Variants in SLC6A16 observed in about 807,000 individuals in gnomAD.
SLC6A16 encodes solute carrier family 6 member 16.
A neutral mutation model predicts 65.4 loss-of-function variants in SLC6A16; 54 were observed. The observed-to-expected ratio is 0.83, with a 90% confidence interval of 0.66 to 1.04. The LOEUF (loss-of-function observed/expected upper bound fraction) is 1.04. Among genes scored for constraint, SLC6A16 ranks in the 50% least tolerant of loss-of-function variants. SLC6A16 has a pLI of 0.00. For missense variants in SLC6A16, 816 were observed against 914.0 expected (o/e 0.89, Z 1.38); for synonymous variants, 330 against 346.5 (o/e 0.95, Z 0.53).
chr19:49,304,249 G>A (rs143231114), intron 7 of SLC6A16, among the ~76,000 whole-genome samples: 4 of 152,190 alleles, frequency 2.6e-5, no homozygotes, highest in Non-Finnish European at 5.9e-5. Flanking sequence ...GCCATAAAGA[G>A]AGGGTTCTCA....
rs953645942 is a variant in SLC6A16 at position 49,294,274 on chromosome 19, G to A, written c.1416+93C>T. 15 of 1,259,890 alleles carry A rather than the reference G, an allele frequency of 1.2e-5. No individual in the cohort carries two copies. In the East Asian group the frequency reaches 1.3e-4, roughly 11 times the overall value. 78.0% of individuals were successfully genotyped at this position (1,259,890 alleles called of 1,614,324 possible). On this transcript the variant is annotated intron_variant, in intron 8 of 11. Transcript: ENST00000335875. Reference sequence around the variant, plus strand: ...AGCCACAGATGATTCTGGTGCTTCCGGGATTTTTGCTGGTGCTAATAAAAG... The same window carrying A: ...AGCCACAGATGATTCTGGTGCTTCCAGGATTTTTGCTGGTGCTAATAAAAG...
At chr19:49,339,084 C>A in the SLC6A16 span, 1 of 722,154 alleles carries the variant, frequency 1.4e-6, no homozygotes, top group Non-Finnish European at 2.3e-6. This position sits in a 1 kb window ranked among gnomAD's most constrained non-coding sequence, Gnocchi z 4.5. Context: ...CTGAAGGGGG[C>A]GGGGTCTGCA....
chr19:49,317,892 G>T (rs1970642265), intron 1 of SLC6A16, among the ~76,000 whole-genome samples: 1 of 151,758 alleles, frequency 6.6e-6, no homozygotes, highest in South Asian at 2.1e-4. Context: ...CTAAAAAAAG[G>T]CCAGAAAACA....
At chr19:49,307,828 G>A (rs897506172) in intron 7 of SLC6A16, among the ~76,000 whole-genome samples, 3 of 151,388 alleles carry the variant, frequency 2.0e-5, no homozygotes, top group African/African-American at 4.9e-5. Flanking sequence ...GACTAGTCCA[G>A]ACAGAATTAA....
the SLC6A16 span, chr19:49,337,214 G>A: frequency 8.1e-6 from 13 of 1,613,942 alleles, no homozygotes; most frequent in East Asian, 2.2e-5. Flanking sequence ...TCCACTCAGC[G>A]GGCCCAGGTG....
the SLC6A16 span, chr19:49,336,993 G>C: frequency 6.2e-7 from 1 of 1,613,996 alleles, no homozygotes; most frequent in Non-Finnish European, 8.5e-7. Flanking sequence ...CTCCTGGGTT[G>C]TGTGGGGGCC....
the SLC6A16 span, chr19:49,338,828 C>T: frequency 1.9e-4 from 302 of 1,614,142 alleles, no homozygotes; most frequent in African/African-American, 3.8e-3. This position sits in a 1 kb window ranked among gnomAD's most constrained non-coding sequence, Gnocchi z 5.0. Flanking sequence ...ACTCCACAAT[C>T]CTAGATAAGG....
At chr19:49,293,605 G>C (rs1970123217) in intron 9 of SLC6A16, among the ~76,000 whole-genome samples, 1 of 152,102 alleles carries the variant, frequency 6.6e-6, no homozygotes, top group Non-Finnish European at 1.5e-5. Context: ...CTCTACAAAA[G>C]CTACAAAACT....
chr19:49,300,003 A>G lies in SLC6A16; in HGVS notation c.1230-5450T>C, dbSNP rs569341490. ...ACAGAGTGAGACTCTGTCTCAAAAA[A>G]AAAAAAAAAAAAAAAAGAGAGTAAT... On this transcript the variant is annotated intron_variant, in intron 7 of 11. Coordinates refer to ENST00000335875, the MANE Select transcript of SLC6A16 (RefSeq NM_014037.3). Among the ~76,000 whole-genome samples the G allele has an allele frequency of 6.7e-3, 1,008 of 151,270 alleles. 6 individuals are homozygous for G. The highest frequency in any genetic ancestry group is 0.022 in the African/African-American group (910 of 41,248).
At position 49,313,072 on chromosome 19, in the gene SLC6A16, C is replaced by CAAAAAAAAAAAAAAAAAAAA. The variant is rs5828385; in HGVS notation, c.-64-1681_-64-1662dup. 6.9e-4 allele frequency among the ~76,000 whole-genome samples: 66 copies of CAAAAAAAAAAAAAAAAAAAA among 95,768 alleles called. 5 individuals carry two copies. Among genetic ancestry groups the CAAAAAAAAAAAAAAAAAAAA allele is most frequent in the African/African-American group, 3.3e-3 (62 of 18,968 alleles). 62.8% of individuals were successfully genotyped at this position (95,768 alleles called of 152,430 possible). ...CACTCCAGCCTGGGCAACCCTGTCTCAAAAAAAAAAAAAAAAAAAAAAAGA... is the reference window on the plus strand; with the variant it reads ...CACTCCAGCCTGGGCAACCCTGTCTCAAAAAAAAAAAAAAAAAAAAAAAAAAAAAAAAAAAAAAAAAAAGA... On this transcript the variant is annotated intron_variant, in intron 1 of 11. Coordinates refer to ENST00000335875, the MANE Select transcript of SLC6A16 (RefSeq NM_014037.3).
intron 1 of SLC6A16, among the ~76,000 whole-genome samples, chr19:49,320,443 TC>T (rs1970692643): frequency 6.9e-6 from 1 of 145,772 alleles, no homozygotes; most frequent in African/African-American, 2.5e-5. Context: ...AAAAACCAGA[TC>T]TTGAATCAAT....
chr19:49,330,710 G>T, the SLC6A16 span, among the ~76,000 whole-genome samples: 3 of 152,192 alleles, frequency 2.0e-5, no homozygotes, highest in African/African-American at 7.2e-5. Flanking sequence ...GGGAGGCCAA[G>T]GTGGGCAGAT....
In SLC6A16 at chr19:49,316,916, G is replaced by A. The variant is rs112491123; in HGVS notation, c.-64-5505C>T. 7.6e-3 allele frequency among the ~76,000 whole-genome samples: 1,128 copies of A among 147,724 alleles called. 17 individuals are homozygous for A. The highest frequency in any genetic ancestry group is 0.027 in the African/African-American group (1,064 of 40,014). On this transcript the variant is annotated intron_variant, in intron 1 of 11. Transcript: ENST00000335875. ...GCCAGGCATAGTGGGACACGCCAGT[G>A]GTCCCAGCTATTTGGGAGGCTAAGT...
chr19:49,332,531 C>A, the SLC6A16 span, among the ~76,000 whole-genome samples: 1 of 152,142 alleles, frequency 6.6e-6, no homozygotes, highest in African/African-American at 2.4e-5. Context: ...GCACTCCAGC[C>A]TGGGTGACAG....
upstream of SLC6A16, chr19:49,325,198 C>A (rs1368193787): frequency 2.0e-6 from 2 of 985,406 alleles, no homozygotes; most frequent in Non-Finnish European, 2.4e-6. Context: ...ATCTGCCTGG[C>A]GCGCGGCCTT....
In SLC6A16 at chr19:49,294,408, G is replaced by C. The variant is rs111914101; in HGVS notation, c.1375C>G (p.Arg459Gly). ...TCTATGTTGCACTCAGTCACCTCGCGGAGAACCATGCTTTTGATGTGCTGG... is the reference window on the plus strand; with the variant it reads ...TCTATGTTGCACTCAGTCACCTCGCCGAGAACCATGCTTTTGATGTGCTGG... ...LPQHIKSMVLREVTECNIETQ... is the reference protein window; with the variant it reads ...LPQHIKSMVLGEVTECNIETQ... The change falls in exon 8 of 12, where the codon CGC becomes GGC. Residue 459 changes from arginine (R) to glycine (G), a missense_variant. By Grantham distance (125) the Arg-to-Gly change is moderately radical (BLOSUM62 -2). Transcript: ENST00000335875. 8 of 1,614,118 alleles carry C rather than the reference G, an allele frequency of 5.0e-6. No homozygotes were observed. The African/African-American group carries it at 5.3e-5, about 11-fold the overall frequency.
At chr19:49,309,193 G>C in intron 6 of SLC6A16, 76 bp from the exon 7 acceptor site, 2 of 1,596,418 alleles carry the variant, frequency 1.3e-6, no homozygotes, top group Non-Finnish European at 1.7e-6. Context: ...ATGTTGCAGG[G>C]AGGAGAGAGG....
chr19:49,335,529 C>A, the SLC6A16 span: 1 of 1,610,126 alleles, frequency 6.2e-7, no homozygotes, highest in Non-Finnish European at 8.5e-7. The surrounding 1 kb of genome is among the most constrained non-coding windows in gnomAD (Gnocchi z 4.6). Context: ...CCGCTTACCC[C>A]ACTAGGTGAA....
At chr19:49,323,227 A>C (rs114494846) in intron 1 of SLC6A16, among the ~76,000 whole-genome samples, 96 of 152,262 alleles carry the variant, frequency 6.3e-4, no homozygotes, top group African/African-American at 2.3e-3. Flanking sequence ...AAATAAATCA[A>C]AGACCTAAAT....
Sources: allele counts gnomAD v4.1 joint callset (sites outside exome capture counted in the v4.1 genomes callset), GRCh38; gene constraint gnomAD v4.1.1; non-coding constraint Gnocchi (gnomAD v3.1); transcripts MANE v1.5; gene names NCBI Gene and HGNC (gene_info 2026-07-23, HGNC 2026-07-21).